SUCLG2: variants seen among roughly 807,000 people sequenced by gnomAD.
SUCLG2 encodes succinate--CoA ligase [GDP-forming] subunit beta, mitochondrial.
In SUCLG2, 42 loss-of-function variants were observed where a neutral mutation model predicts 47.9. The ratio of observed to expected loss-of-function variants is 0.88; its 90% CI spans 0.69 to 1.14. SUCLG2 has a LOEUF of 1.14. Ranked by LOEUF, SUCLG2 falls within the 50% of genes most tolerant of loss-of-function variation. SUCLG2 has a pLI of 0.00. For synonymous variants in SUCLG2, 195 were observed against 197.3 expected, an observed-to-expected ratio of 0.99 and a Z score of 0.10; for missense variants, 571 against 525.9, an observed-to-expected ratio of 1.09 and a Z score of -0.84.
intron 9 of SUCLG2, among the ~76,000 whole-genome samples, chr3:67,425,688 C>G (rs531987193): frequency 3.3e-5 from 5 of 152,314 alleles, no homozygotes; most frequent in African/African-American, 1.2e-4. Flanking sequence ...CACCAGCCTT[C>G]CTGGGTCTCT....
intron 9 of SUCLG2, chr3:67,408,893 C>T (rs1176043753): frequency 1.3e-6 from 2 of 1,494,836 alleles, no homozygotes; most frequent in African/African-American, 2.8e-5. Flanking sequence ...TCCACTCCCT[C>T]TGGCAGTCTC....
chr3:67,601,403 A>C (rs911189163), intron 2 of SUCLG2, among the ~76,000 whole-genome samples: 3 of 152,144 alleles, frequency 2.0e-5, no homozygotes, highest in Non-Finnish European at 4.4e-5. Context: ...ATCAGAAAAG[A>C]TTTGTCTAAT....
chr3:67,478,388 G>C (rs1704822493), intron 9 of SUCLG2, among the ~76,000 whole-genome samples: 1 of 152,220 alleles, frequency 6.6e-6, no homozygotes, highest in Non-Finnish European at 1.5e-5. Flanking sequence ...CCAGAAACTG[G>C]CTGAGAAGGA....
At chr3:67,550,212 A>G (rs1706977203) in intron 2 of SUCLG2, among the ~76,000 whole-genome samples, 1 of 152,254 alleles carries the variant, frequency 6.6e-6, no homozygotes, top group Non-Finnish European at 1.5e-5. Context: ...CTCAGGCCAC[A>G]TTACTGCATC....
chr3:67,441,846 G>A (rs1173025433), intron 9 of SUCLG2, among the ~76,000 whole-genome samples: 2 of 152,070 alleles, frequency 1.3e-5, no homozygotes, highest in Admixed American at 6.5e-5. Context: ...AAATAAAAGG[G>A]CAAACATACT....
chr3:67,469,511 C>A (rs112658533), intron 9 of SUCLG2, among the ~76,000 whole-genome samples: 1,841 of 151,210 alleles, frequency 0.012, 21 homozygotes, highest in Non-Finnish European at 0.018. Context: ...AGGTGGATCA[C>A]GAGGTCAGGA....
intron 9 of SUCLG2, among the ~76,000 whole-genome samples, chr3:67,424,735 C>A (rs1234911060): frequency 6.6e-6 from 1 of 152,102 alleles, no homozygotes; most frequent in Non-Finnish European, 1.5e-5. Flanking sequence ...TCTGCCACCA[C>A]CATTCTCACT....
chr3:67,460,377 A>G (rs1282717352), intron 9 of SUCLG2, among the ~76,000 whole-genome samples: 1 of 152,230 alleles, frequency 6.6e-6, no homozygotes, highest in African/African-American at 2.4e-5. Flanking sequence ...CATTTATTAA[A>G]CACCAAATTC....
chr3:67,495,172 A>G (rs552301475), intron 9 of SUCLG2, among the ~76,000 whole-genome samples: 51 of 152,324 alleles, frequency 3.3e-4, no homozygotes, highest in Non-Finnish European at 5.6e-4. Context: ...AAATCATGTA[A>G]GCATAGGACC....
chr3:67,477,475 A>G (rs1704793862), intron 9 of SUCLG2, among the ~76,000 whole-genome samples: 1 of 152,210 alleles, frequency 6.6e-6, no homozygotes, highest in African/African-American at 2.4e-5. Flanking sequence ...CAGGCAGATA[A>G]CTGGAGGTCA....
chr3:67,554,333 G>A (rs1221982180), intron 2 of SUCLG2, among the ~76,000 whole-genome samples: 2 of 152,178 alleles, frequency 1.3e-5, no homozygotes, highest in Non-Finnish European at 2.9e-5. Context: ...TTGGAGTGTT[G>A]TTGTTGTTGT....
chr3:67,622,673 T>C (rs1700755685), intron 1 of SUCLG2, among the ~76,000 whole-genome samples: 1 of 151,990 alleles, frequency 6.6e-6, no homozygotes, highest in Non-Finnish European at 1.5e-5. Flanking sequence ...GAAGGCAAGC[T>C]AGAAAAAGAA....
At chr3:67,488,273 C>T (rs762136864) in intron 9 of SUCLG2, among the ~76,000 whole-genome samples, 5 of 151,992 alleles carry the variant, frequency 3.3e-5, no homozygotes, top group Non-Finnish European at 5.9e-5. Context: ...ACTACTAAGT[C>T]GAGCCAATTT....
intron 2 of SUCLG2, among the ~76,000 whole-genome samples, chr3:67,606,067 T>C (rs1246834097): frequency 2.0e-5 from 3 of 151,948 alleles, no homozygotes; most frequent in Non-Finnish European, 4.4e-5. Context: ...TAGCCAGGTG[T>C]GGTGGTGTGT....
intron 2 of SUCLG2, among the ~76,000 whole-genome samples, chr3:67,606,230 G>A (rs7637347): frequency 0.49 from 74,029 of 151,810 alleles, 18,964 homozygotes; most frequent in African/African-American, 0.64. Context: ...ATAAATACAA[G>A]TAAAAAGCAT....
At chr3:67,642,493 C>T (rs773361867) in intron 1 of SUCLG2, among the ~76,000 whole-genome samples, 2 of 152,018 alleles carry the variant, frequency 1.3e-5, no homozygotes, top group Non-Finnish European at 2.9e-5. Context: ...ACCTGTAGTC[C>T]CAGCTAATCT....
At chr3:67,453,233 T>A (rs1483487615) in intron 9 of SUCLG2, among the ~76,000 whole-genome samples, 3 of 151,990 alleles carry the variant, frequency 2.0e-5, no homozygotes, top group South Asian at 2.1e-4. Flanking sequence ...CTTTTTTTTT[T>A]ATGAGTATTT....
chr3:67,509,451 A>G (rs1705727347), intron 6 of SUCLG2, among the ~76,000 whole-genome samples: 1 of 152,206 alleles, frequency 6.6e-6, no homozygotes, highest in Admixed American at 6.5e-5. Flanking sequence ...AACTGAAAAT[A>G]GCTTGTCCCA....
chr3:67,565,894 C>A (rs922161676), intron 2 of SUCLG2, among the ~76,000 whole-genome samples: 3 of 152,240 alleles, frequency 2.0e-5, no homozygotes, highest in African/African-American at 7.2e-5. Flanking sequence ...AAGGCAGATT[C>A]ACTGCTCAAA....
Sources: allele counts gnomAD v4.1 joint callset (sites outside exome capture counted in the v4.1 genomes callset), GRCh38; gene constraint gnomAD v4.1.1; transcripts MANE v1.5; gene names NCBI Gene and HGNC (gene_info 2026-07-23, HGNC 2026-07-21).